Variants in TTC17 observed in about 807,000 individuals in gnomAD.
The protein encoded by TTC17 is tetratricopeptide repeat protein 17.
TTC17 carries 58 observed loss-of-function variants against 143.8 expected under a neutral mutation model. The ratio of observed to expected loss-of-function variants is 0.40; its 90% CI spans 0.33 to 0.50. TTC17 has a LOEUF of 0.50. Ranked by LOEUF, TTC17 falls within the 20% of genes least tolerant of loss-of-function variation. The probability of loss-of-function intolerance (pLI) is 0.49; values close to 1 mark genes in which losing one functional copy is unlikely to be tolerated. For synonymous variants in TTC17, 501 were observed against 497.8 expected (o/e 1.01, Z -0.09); for missense variants, 1,273 against 1,392.5 (o/e 0.91, Z 1.37).
At chr11:43,361,311 AT>A (rs1856093514) in intron 1 of TTC17, among the ~76,000 whole-genome samples, 1 of 152,242 alleles carries the variant, frequency 6.6e-6, no homozygotes, top group Non-Finnish European at 1.5e-5. Context: ...AGATTTGTAC[AT>A]TCAGAAACAT....
chr11:43,469,844 T>G (rs1261728036), intron 21 of TTC17, among the ~76,000 whole-genome samples: 1 of 152,198 alleles, frequency 6.6e-6, no homozygotes, highest in African/African-American at 2.4e-5. Flanking sequence ...AAATGAAAGT[T>G]AAATAAAGAT....
At chr11:43,399,615 A>G (rs1444833472) in intron 8 of TTC17, among the ~76,000 whole-genome samples, 1 of 152,208 alleles carries the variant, frequency 6.6e-6, no homozygotes, top group South Asian at 2.1e-4. Context: ...GCCCAAGAGT[A>G]CAAGGCTGCA....
intron 16 of TTC17, among the ~76,000 whole-genome samples, chr11:43,443,083 T>C (rs1262474110): frequency 6.6e-6 from 1 of 152,178 alleles, no homozygotes; most frequent in Non-Finnish European, 1.5e-5. Context: ...AATAACAGAA[T>C]CTCTGACTGC....
At chr11:43,419,272 T>C (rs188539621) in intron 16 of TTC17, among the ~76,000 whole-genome samples, 7 of 152,372 alleles carry the variant, frequency 4.6e-5, no homozygotes, top group Admixed American at 3.9e-4. Context: ...ATATTTGATA[T>C]CTTTTGTCTC....
chr11:43,461,841 A>G (rs1947873562), intron 21 of TTC17, among the ~76,000 whole-genome samples: 1 of 152,228 alleles, frequency 6.6e-6, no homozygotes, highest in Non-Finnish European at 1.5e-5. Context: ...AATAATTTGC[A>G]TTGGCCTTAA....
At chr11:43,380,344 C>T (rs757741515) in intron 2 of TTC17, among the ~76,000 whole-genome samples, 14 of 152,318 alleles carry the variant, frequency 9.2e-5, no homozygotes, top group Middle Eastern at 3.4e-3. Flanking sequence ...CAACCTCCAC[C>T]TCCCCGGTTC....
intron 21 of TTC17, among the ~76,000 whole-genome samples, chr11:43,481,920 G>A (rs142154872): frequency 1.5e-3 from 234 of 151,936 alleles, no homozygotes; most frequent in African/African-American, 5.3e-3. Flanking sequence ...AGTGATTCTC[G>A]TGCCTCAGCC....
chr11:43,403,801 G>A (rs1167661840), intron 10 of TTC17, among the ~76,000 whole-genome samples, 197 bp from the exon 11 acceptor site: 1 of 126,832 alleles, frequency 7.9e-6, no homozygotes, highest in Non-Finnish European at 1.9e-5. Context: ...GTTATTGAAA[G>A]TTGTTAACTA....
intron 16 of TTC17, among the ~76,000 whole-genome samples, chr11:43,430,709 GCACACACACACACACACACACACACA>G (rs10658685): frequency 2.2e-5 from 3 of 138,446 alleles, no homozygotes; most frequent in Non-Finnish European, 3.1e-5. Flanking sequence ...CTACATACAC[GCACACACACACACACACACACACACA>G]CACACACACA....
intron 8 of TTC17, among the ~76,000 whole-genome samples, chr11:43,398,482 C>T (rs1044706521): frequency 1.3e-5 from 2 of 152,124 alleles, no homozygotes; most frequent in Admixed American, 1.3e-4. Flanking sequence ...TACTAAGTTT[C>T]AGTAAAATCA....
At chr11:43,443,972 G>C (rs1401328993) in intron 17 of TTC17, 84 bp from the exon 18 acceptor site, 29 of 1,445,752 alleles carry the variant, frequency 2.0e-5, no homozygotes, top group Non-Finnish European at 2.5e-5. Flanking sequence ...CACAGTACTT[G>C]GTTATTCTTA....
At chr11:43,388,253 CTAATG>C (rs1463698769) in intron 2 of TTC17, among the ~76,000 whole-genome samples, 3 of 152,068 alleles carry the variant, frequency 2.0e-5, no homozygotes, top group African/African-American at 7.2e-5. Context: ...GCTATCCTGA[CTAATG>C]TAGATAAATC....
In TTC17 at chr11:43,413,848, A is replaced by C. The variant is rs185690163; in HGVS notation, c.2065-742A>C. 9.1e-4 allele frequency among the ~76,000 whole-genome samples: 139 copies of C among 152,332 alleles called. 3 individuals are homozygous for C. In the East Asian group the frequency reaches 0.024, roughly 26 times the overall value. On this transcript the variant is annotated intron_variant, in intron 15 of 23. Coordinates refer to ENST00000039989, the MANE Select transcript of TTC17 (RefSeq NM_018259.6). ...TCTCTGAATTCTCACACTTGCTGGT[A>C]GGAGTGTAAATTTGTGCATCCATTT...
chr11:43,396,176 G>GT (rs1857584556), intron 5 of TTC17: 1 of 149,920 alleles, frequency 6.7e-6, no homozygotes, highest in African/African-American at 2.4e-5. Flanking sequence ...CTATTTCTTT[G>GT]TGAAGTTACA....
At chr11:43,492,421 C>T (rs986567386) in intron 23 of TTC17, among the ~76,000 whole-genome samples, 1 of 152,144 alleles carries the variant, frequency 6.6e-6, no homozygotes, top group African/African-American at 2.4e-5. Context: ...TCAGATTTAC[C>T]TACAGTTTCC....
intron 15 of TTC17, among the ~76,000 whole-genome samples, chr11:43,413,671 A>G (rs541259846): frequency 6.6e-6 from 1 of 152,038 alleles, no homozygotes; most frequent in South Asian, 2.1e-4. Flanking sequence ...CAGGCACTTC[A>G]GAAATGAGGA....
At chr11:43,407,685 C>G in intron 15 of TTC17, 108 bp downstream of exon 15, 1 of 1,052,220 alleles carries the variant, frequency 9.5e-7, no homozygotes, top group Non-Finnish European at 1.4e-6. Flanking sequence ...CATGTTTTGT[C>G]TTTCACAGTA....
intron 16 of TTC17, among the ~76,000 whole-genome samples, chr11:43,430,681 T>C (rs1947133113): frequency 6.9e-6 from 1 of 145,644 alleles, no homozygotes; most frequent in African/African-American, 2.6e-5. Context: ...ATGGACTCTA[T>C]ACTGCCCCCA....
At chr11:43,359,141 C>A (rs371038995) in intron 1 of TTC17, 28 bp downstream of exon 1, 3 of 1,552,360 alleles carry the variant, frequency 1.9e-6, no homozygotes, top group African/African-American at 2.8e-5. Context: ...CCTCTTCTCC[C>A]GTGCCCGCCC....
Sources: allele counts gnomAD v4.1 joint callset (sites outside exome capture counted in the v4.1 genomes callset), GRCh38; gene constraint gnomAD v4.1.1; transcripts MANE v1.5; gene names NCBI Gene and HGNC (gene_info 2026-07-23, HGNC 2026-07-21).